Variants in TNFRSF8 observed in about 807,000 individuals in gnomAD.
TNFRSF8 encodes the protein tumor necrosis factor receptor superfamily member 8.
A neutral mutation model predicts 70.8 loss-of-function variants in TNFRSF8; 26 were observed. The observed-to-expected ratio is 0.37, with a 90% CI of 0.27 to 0.51. The LOEUF is 0.51. TNFRSF8 is among the 20% of genes least tolerant of loss of function. The pLI, the probability that TNFRSF8 is intolerant of heterozygous loss-of-function variation, is 0.94. For synonymous variants in TNFRSF8, 356 were observed against 339.2 expected, an observed-to-expected ratio of 1.05 and a Z score of -0.54; for missense variants, 720 against 807.9, an observed-to-expected ratio of 0.89 and a Z score of 1.32.
chr1:12,092,117 GT>G (rs1241768752), intron 2 of TNFRSF8, among the ~76,000 whole-genome samples: 4 of 152,130 alleles, frequency 2.6e-5, no homozygotes, highest in African/African-American at 9.7e-5. Flanking sequence ...CATTCTCCCT[GT>G]GTGCACATCT....
At position 12,142,156 on chromosome 1, in the gene TNFRSF8, G is replaced by A. The variant is rs1040122232; in HGVS notation, c.1544-131G>A. On this transcript the variant is annotated intron_variant, in intron 14 of 14. Transcript: ENST00000263932. The surrounding 1 kb of genome is among the most constrained non-coding windows in gnomAD (Gnocchi z 5.0). The stretch of plus-strand genomic sequence containing the variant: ...CAGGATGCCTGTAAGGTACATCAGA[G>A]AGGCTGTGCCATCAGCCTGAAGCCA... 9 of 1,251,012 alleles carry A rather than the reference G, an allele frequency of 7.2e-6. No individual in the cohort carries two copies. The Admixed American group carries it at 1.1e-4, about 16-fold the overall frequency. 77.5% of individuals were successfully genotyped at this position (1,251,012 alleles called of 1,614,324 possible). A position where few individuals can be genotyped will look rare whatever the true frequency, so the allele number is the denominator to read the frequency against.
At chr1:12,121,218 T>C (rs181641101) in intron 8 of TNFRSF8, among the ~76,000 whole-genome samples, 95 of 152,328 alleles carry the variant, frequency 6.2e-4, no homozygotes, top group African/African-American at 2.1e-3. Flanking sequence ...AGGCTCCAGC[T>C]AATTCAGGTA....
In TNFRSF8 at chr1:12,115,605, A is replaced by G. The variant is rs759867786; in HGVS notation, c.822A>G (p.Ala274=). 3.1e-6 allele frequency: 5 copies of G among 1,614,072 alleles called. No individual in the cohort carries two copies. In the African/African-American group the frequency reaches 4.0e-5, roughly 13 times the overall value. The change falls in exon 8 of 15, where the codon GCA becomes GCG. Residue 274 remains alanine (A), a synonymous_variant. Transcript: ENST00000263932. Reference sequence around the variant, plus strand: ...ACCTTGTGGAGAAGACGCCATGTGCATGGAACTCCTCCCGCACCTGCGAAT... The same window carrying G: ...ACCTTGTGGAGAAGACGCCATGTGCGTGGAACTCCTCCCGCACCTGCGAAT... ...RDDLVEKTPC[A]WNSSRTCECR... is the part of the protein sequence containing the mutation.
At position 12,108,074 on chromosome 1, in the gene TNFRSF8, A is replaced by ATTTTTTTTTTTTTTTTTTTTTTT. The variant is rs199941905; in HGVS notation, c.422-1485_422-1484insTTTTTTTTTTTTTTTTTTTTTTT. On this transcript the variant is annotated intron_variant, in intron 4 of 14. Transcript: ENST00000263932. The surrounding 1 kb of genome is among the most constrained non-coding windows in gnomAD (Gnocchi z 4.0). ...CGAAGTCCCACACATACAGGCCACC[A>ATTTTTTTTTTTTTTTTTTTTTTT]TTTTTTTATTTTTTTTTTTTTTGTG... is the stretch of plus-strand genomic sequence containing the variant. 4.1e-5 allele frequency among the ~76,000 whole-genome samples: 6 copies of ATTTTTTTTTTTTTTTTTTTTTTT among 146,208 alleles called. No homozygotes were observed. Among genetic ancestry groups the ATTTTTTTTTTTTTTTTTTTTTTT allele is most frequent in the Admixed American group, 1.4e-4 (2 of 14,468 alleles).
chr1:12,112,028 C>T lies in TNFRSF8; in HGVS notation c.793+14C>T. 6.3e-7 allele frequency: 1 copy of T among 1,595,392 alleles called. No individual in the cohort carries two copies. The highest frequency in any genetic ancestry group is 8.6e-7 in the Non-Finnish European group (1 of 1,163,598). ...GCTGTTCTCGAGGTAAGGGCCTCGT[C>T]CCTCCCCGGGCCTCAGTTTACCTCT... On this transcript the variant is annotated intron_variant, in intron 7 of 14. Transcript: ENST00000263932. The surrounding 1 kb of genome is among the most constrained non-coding windows in gnomAD (Gnocchi z 5.3).
intron 2 of TNFRSF8, among the ~76,000 whole-genome samples, chr1:12,093,910 A>G (rs1304718722): frequency 6.6e-6 from 1 of 152,098 alleles, no homozygotes; most frequent in East Asian, 1.9e-4. Context: ...TCTCTACTAA[A>G]AATACAAACA....
intron 10 of TNFRSF8, among the ~76,000 whole-genome samples, chr1:12,124,578 C>T (rs1641896348): frequency 6.6e-6 from 1 of 152,008 alleles, no homozygotes; most frequent in Admixed American, 6.6e-5. Flanking sequence ...AATCCCAGCA[C>T]TTTGGGAGGC....
rs1286872643 is a variant in TNFRSF8 at position 12,108,517 on chromosome 1, T to C, written c.422-1049T>C. On this transcript the variant is annotated intron_variant, in intron 4 of 14. Coordinates refer to ENST00000263932, the MANE Select transcript of TNFRSF8 (RefSeq NM_001243.5). This position sits in a 1 kb window ranked among gnomAD's most constrained non-coding sequence, Gnocchi z 4.0. ...CCTGACGACAGCCTGGTGAAGAGTGTATGATTATAGTCATTTGACTGGGCT... is the reference window on the plus strand; with the variant it reads ...CCTGACGACAGCCTGGTGAAGAGTGCATGATTATAGTCATTTGACTGGGCT... Among the ~76,000 whole-genome samples the C allele has an allele frequency of 6.6e-6, 1 of 152,160 alleles. No individual in the cohort carries two copies. The highest frequency in any genetic ancestry group is 1.5e-5 in the Non-Finnish European group (1 of 68,024).
rs1641650658 is a variant in TNFRSF8, at chr1:12,112,449, G to A, written c.793+435G>A. 6.6e-6 allele frequency among the ~76,000 whole-genome samples: 1 copy of A among 151,728 alleles called. No individual in the cohort carries two copies. Among genetic ancestry groups the A allele is most frequent in the Non-Finnish European group, 1.5e-5 (1 of 67,968 alleles). On this transcript the variant is annotated intron_variant, in intron 7 of 14. Transcript: ENST00000263932. The surrounding 1 kb of genome is among the most constrained non-coding windows in gnomAD (Gnocchi z 5.3). ...CCTTCACCCAAGCTGCAGTACGGTGGTGGGATCATAGCTCCCTGCAGCTGT... is the reference window on the plus strand; with the variant it reads ...CCTTCACCCAAGCTGCAGTACGGTGATGGGATCATAGCTCCCTGCAGCTGT...
In TNFRSF8 at chr1:12,067,902, G is replaced by GT. The variant is rs1484932375; in HGVS notation, c.63+4241_63+4242insT. Among the ~76,000 whole-genome samples the GT allele has an allele frequency of 5.1e-5, 6 of 117,244 alleles. No homozygotes were observed. The South Asian group carries it at 1.3e-3, about 25-fold the overall frequency. The allele number at this position is 117,244 out of a possible 152,430, so 76.9% of individuals were successfully genotyped here. A position where few individuals can be genotyped will look rare whatever the true frequency, so the allele number is the denominator to read the frequency against. ...GCAGGGAGGCAAGGACGGCGGGGGG[G>GT]CGGGGGGGGGACCTGGAGAGGAGGG... On this transcript the variant is annotated intron_variant, in intron 1 of 14. Coordinates refer to ENST00000263932, the MANE Select transcript of TNFRSF8 (RefSeq NM_001243.5).
Position 12,063,696 on chromosome 1 carries a change from C to T in TNFRSF8, c.63+35C>T, listed in dbSNP as rs986691829. On this transcript the variant is annotated intron_variant, in intron 1 of 14. Coordinates refer to ENST00000263932, the MANE Select transcript of TNFRSF8 (RefSeq NM_001243.5). This position sits in a 1 kb window ranked among gnomAD's most constrained non-coding sequence, Gnocchi z 7.2. ...TGACGGGCGCCTGGGGAGGTGCCGG[C>T]GGTCCAGAGCCCGGACAGTGTGGGG... 7 of 1,264,526 alleles carry T rather than the reference C, an allele frequency of 5.5e-6. No individual in the cohort carries two copies. The African/African-American group carries it at 9.3e-5, about 17-fold the overall frequency. 78.3% of individuals were successfully genotyped at this position (1,264,526 alleles called of 1,614,324 possible). A position where few individuals can be genotyped will look rare whatever the true frequency, so the allele number is the denominator to read the frequency against.
chr1:12,090,494 A>G (rs1284349090), intron 2 of TNFRSF8, among the ~76,000 whole-genome samples: 2 of 142,318 alleles, frequency 1.4e-5, no homozygotes, highest in Non-Finnish European at 3.0e-5. Context: ...CCACTCATCC[A>G]TCCACCCACC....
intron 1 of TNFRSF8, among the ~76,000 whole-genome samples, chr1:12,074,141 A>G (rs530162763): frequency 2.6e-5 from 4 of 151,874 alleles, no homozygotes; most frequent in Non-Finnish European, 5.9e-5. Flanking sequence ...CAGTTGCTAA[A>G]TTCGGACTCA....
rs2230627 is a variant in TNFRSF8 at position 12,138,404 on chromosome 1, G to C, written c.1511G>C (p.Arg504Pro). 3 of 1,613,496 alleles carry C rather than the reference G, an allele frequency of 1.9e-6. No homozygotes were observed. Among genetic ancestry groups the C allele is most frequent in the South Asian group, 2.2e-5 (2 of 91,038 alleles). ...PSSPRDLPEPRVSTEHTNNKI... is the reference protein window; with the variant it reads ...PSSPRDLPEPPVSTEHTNNKI... ...TCCCCCAGGGACCTTCCTGAGCCCC[G>C]GGTGTCCACGGAGCACACCAATAAC... The change falls in exon 14 of 15, where the codon CGG becomes CCG. Residue 504 changes from arginine to proline, a missense_variant. Arg to Pro is a moderately radical substitution (Grantham distance 103). Transcript: ENST00000263932. This position sits in a 1 kb window ranked among gnomAD's most constrained non-coding sequence, Gnocchi z 5.7.
At chr1:12,094,455 G>C (rs529512845) in intron 2 of TNFRSF8, among the ~76,000 whole-genome samples, 26 of 152,154 alleles carry the variant, frequency 1.7e-4, no homozygotes, top group African/African-American at 6.3e-4. Flanking sequence ...GGGGGACATA[G>C]GTGAGCCGAA....
intron 8 of TNFRSF8, among the ~76,000 whole-genome samples, chr1:12,116,124 A>G (rs1376710412): frequency 6.6e-6 from 1 of 152,028 alleles, no homozygotes; most frequent in East Asian, 1.9e-4. Context: ...TGGGGTTACA[A>G]GCATTCGCCA....
At chr1:12,118,375 T>G (rs754256750) in intron 8 of TNFRSF8, among the ~76,000 whole-genome samples, 56 of 152,010 alleles carry the variant, frequency 3.7e-4, no homozygotes, top group Non-Finnish European at 7.1e-4. Context: ...CCTCCCAAAG[T>G]GCTGGGATTA....
intron 8 of TNFRSF8, among the ~76,000 whole-genome samples, chr1:12,116,513 G>A (rs1641732832): frequency 6.6e-6 from 1 of 152,136 alleles, no homozygotes; most frequent in African/African-American, 2.4e-5. Flanking sequence ...CAAAACCAAG[G>A]GGAATGGCCA....
intron 1 of TNFRSF8, among the ~76,000 whole-genome samples, chr1:12,064,357 C>T (rs1640701260): frequency 6.6e-6 from 1 of 152,174 alleles, no homozygotes; most frequent in Admixed American, 6.5e-5. Context: ...GAGCACTTAC[C>T]AGTGGCCAGC....
Sources: allele counts gnomAD v4.1 joint callset (sites outside exome capture counted in the v4.1 genomes callset), GRCh38; gene constraint gnomAD v4.1.1; non-coding constraint Gnocchi (gnomAD v3.1); transcripts MANE v1.5; gene names NCBI Gene and HGNC (gene_info 2026-07-23, HGNC 2026-07-21).